Variants in MSRA observed in about 807,000 individuals in gnomAD.
MSRA encodes the protein mitochondrial peptide methionine sulfoxide reductase.
A neutral mutation model predicts 31.3 loss-of-function variants in MSRA; 54 were observed. The observed-to-expected ratio is 1.73, with a 90% CI of 1.39 to 2.17. MSRA has a LOEUF of 2.17. MSRA is among the 30% of genes most tolerant of loss of function. MSRA has a pLI of 0.00. For synonymous variants in MSRA, 169 were observed against 116.5 expected (o/e 1.45, Z -2.90); for missense variants, 507 against 300.9 (o/e 1.69, Z -5.07).
In MSRA at chr8:10,338,589, T is replaced by C. The variant is rs1464030462; in HGVS notation, c.543+18600T>C. ...ATTGTATGCATATATTAAAACATCA[T>C]GCACTCCATAAAGATATACAGTTAG... On this transcript the variant is annotated intron_variant, in intron 5 of 5. Coordinates refer to ENST00000317173, the MANE Select transcript of MSRA (RefSeq NM_012331.5). Among the ~76,000 whole-genome samples, 13 of 152,172 alleles carry C rather than the reference T, an allele frequency of 8.5e-5. No individual in the cohort carries two copies. The East Asian group carries it at 2.5e-3, about 29-fold the overall frequency.
chr8:10,289,925 T>C (rs774657965), intron 3 of MSRA, among the ~76,000 whole-genome samples: 5 of 152,224 alleles, frequency 3.3e-5, no homozygotes, highest in East Asian at 1.9e-4. Context: ...TATGGAGTTA[T>C]AAGATTTGAT....
chr8:10,192,046 G>C (rs548360766), intron 1 of MSRA, among the ~76,000 whole-genome samples: 10 of 152,052 alleles, frequency 6.6e-5, no homozygotes, highest in African/African-American at 1.2e-4. Context: ...GCAAGCCTCC[G>C]TTTCCTGCCA....
At chr8:10,201,869 C>T (rs535576344) in intron 1 of MSRA, among the ~76,000 whole-genome samples, 1 of 152,348 alleles carries the variant, frequency 6.6e-6, no homozygotes, top group African/African-American at 2.4e-5. Flanking sequence ...TCACTGCCAT[C>T]AGCAGAGGTT....
At chr8:10,113,803 T>G (rs913944490) in intron 1 of MSRA, among the ~76,000 whole-genome samples, 2 of 152,078 alleles carry the variant, frequency 1.3e-5, no homozygotes, top group African/African-American at 2.4e-5. Context: ...AATTGTTTAG[T>G]GAGATCTAAT....
At chr8:10,383,274 C>T (rs1806187832) in intron 5 of MSRA, among the ~76,000 whole-genome samples, 1 of 152,206 alleles carries the variant, frequency 6.6e-6, no homozygotes. Context: ...CAGGAGAGGA[C>T]TTTGCCAAAG....
At chr8:10,077,953 G>A (rs566558389) in intron 1 of MSRA, among the ~76,000 whole-genome samples, 2 of 152,226 alleles carry the variant, frequency 1.3e-5, no homozygotes, top group South Asian at 4.1e-4. Context: ...CCTAATATTA[G>A]TGAAAATATT....
intron 5 of MSRA, among the ~76,000 whole-genome samples, chr8:10,351,812 A>G (rs919714339): frequency 2.0e-5 from 3 of 152,146 alleles, no homozygotes; most frequent in African/African-American, 7.2e-5. Flanking sequence ...GCAGATTCGG[A>G]TACAGCAGGT....
At chr8:10,382,216 C>T (rs769789042) in intron 5 of MSRA, among the ~76,000 whole-genome samples, 4 of 152,198 alleles carry the variant, frequency 2.6e-5, no homozygotes, top group Non-Finnish European at 5.9e-5. Flanking sequence ...GCTGGCTTCC[C>T]TCTTATGGCT....
intron 1 of MSRA, among the ~76,000 whole-genome samples, chr8:10,157,376 C>A (rs909036587): frequency 2.0e-5 from 3 of 152,080 alleles, no homozygotes. Context: ...TTAGTCTTAT[C>A]AAATATAATC....
At chr8:10,157,189 G>A (rs1047533169) in intron 1 of MSRA, among the ~76,000 whole-genome samples, 3 of 151,828 alleles carry the variant, frequency 2.0e-5, no homozygotes, top group African/African-American at 7.3e-5. Flanking sequence ...GTTTCTAATG[G>A]GATTACATTT....
Position 10,118,650 on chromosome 8 carries a change from C to T in MSRA, c.142+63992C>T, listed in dbSNP as rs148622370. Among the ~76,000 whole-genome samples, 97 of 152,208 alleles carry T rather than the reference C, an allele frequency of 6.4e-4. No homozygotes were observed. In the East Asian group the frequency reaches 0.017, roughly 27 times the overall value. ...CAGCATTTGACTCTTCCCCAGTGTG[C>T]CGTGTGCTCCTTACCGCTGCCCCTG... On this transcript the variant is annotated intron_variant, in intron 1 of 5. Coordinates refer to ENST00000317173, the MANE Select transcript of MSRA (RefSeq NM_012331.5).
intron 3 of MSRA, among the ~76,000 whole-genome samples, chr8:10,291,010 G>A (rs116558253): frequency 0.022 from 3,403 of 152,250 alleles, 85 homozygotes; most frequent in African/African-American, 0.061. Flanking sequence ...CATTGGGTGC[G>A]AAGGCCAGCC....
At chr8:10,256,680 G>T (rs568140241) in intron 3 of MSRA, among the ~76,000 whole-genome samples, 1 of 152,172 alleles carries the variant, frequency 6.6e-6, no homozygotes, top group Non-Finnish European at 1.5e-5. Context: ...ACTTCCAACA[G>T]TACTTTTCTC....
At position 10,288,384 on chromosome 8, in the gene MSRA, T is replaced by C. The variant is rs187793246; in HGVS notation, c.332-13150T>C. Among the ~76,000 whole-genome samples the C allele has an allele frequency of 5.9e-5, 9 of 152,328 alleles. No homozygotes were observed. The East Asian group carries it at 9.6e-4, about 16-fold the overall frequency. ...CCCCCTTGAAGTGACACCACCCTTATTGAGAAATCATAATTTATAGAATCA... is the reference window on the plus strand; with the variant it reads ...CCCCCTTGAAGTGACACCACCCTTACTGAGAAATCATAATTTATAGAATCA... On this transcript the variant is annotated intron_variant, in intron 3 of 5. Coordinates refer to ENST00000317173, the MANE Select transcript of MSRA (RefSeq NM_012331.5).
chr8:10,104,731 A>C (rs1799767794), intron 1 of MSRA, among the ~76,000 whole-genome samples: 1 of 152,104 alleles, frequency 6.6e-6, no homozygotes, highest in South Asian at 2.1e-4. Flanking sequence ...CTGAATTCCA[A>C]AAGGGAGACG....
intron 2 of MSRA, among the ~76,000 whole-genome samples, chr8:10,231,173 A>T (rs1811443002): frequency 6.6e-6 from 1 of 151,992 alleles, no homozygotes; most frequent in South Asian, 2.1e-4. Context: ...GGCGGCAAGG[A>T]GGGAGCTGAG....
chr8:10,416,208 G>T lies in MSRA; in HGVS notation c.544-11940G>T, dbSNP rs569037613. ...GGCAGGGCTTGTGCTGTTCATCCCTGTGTTCCTCGTGCCTAGCCCGGTCCT... is the reference window on the plus strand; with the variant it reads ...GGCAGGGCTTGTGCTGTTCATCCCTTTGTTCCTCGTGCCTAGCCCGGTCCT... On this transcript the variant is annotated intron_variant, in intron 5 of 5. Coordinates refer to ENST00000317173, the MANE Select transcript of MSRA (RefSeq NM_012331.5). Among the ~76,000 whole-genome samples the T allele has an allele frequency of 2.0e-5, 3 of 152,144 alleles. No homozygotes were observed. The South Asian group carries it at 6.2e-4, about 32-fold the overall frequency.
At chr8:10,065,013 C>T (rs1797390025) in intron 1 of MSRA, among the ~76,000 whole-genome samples, 1 of 152,130 alleles carries the variant, frequency 6.6e-6, no homozygotes, top group East Asian at 1.9e-4. Context: ...TGTCACAGAG[C>T]CCCCGAGAAG....
rs149962594 is a variant in MSRA at position 10,354,084 on chromosome 8, C to A, written c.543+34095C>A. On this transcript the variant is annotated intron_variant, in intron 5 of 5. Transcript: ENST00000317173. ...GCTCCTTCACTGTTTTCAGTGTTTG[C>A]TAATATGGTAATCATGAAATAGCAC... is the stretch of plus-strand genomic sequence containing the variant. 428 of 153,072 alleles carry A rather than the reference C, an allele frequency of 2.8e-3. 3 individuals are homozygous for A. The highest frequency in any genetic ancestry group is 0.024 in the Middle Eastern group (7 of 296). The allele number at this position is 153,072 out of a possible 1,614,324, so 9.5% of individuals were successfully genotyped here.
Sources: gnomAD v4.1 joint callset for allele counts (sites outside exome capture counted in the v4.1 genomes callset) on GRCh38, gnomAD v4.1.1 for gene constraint, MANE v1.5 for transcripts, NCBI Gene and HGNC (gene_info 2026-07-23, HGNC 2026-07-21) for gene names.